Variants in RAB40C observed in about 807,000 individuals in gnomAD.
RAB40C encodes the protein RAB40C, member RAS oncogene family.
Under a neutral mutation model 28.1 loss-of-function variants are expected in RAB40C, and 8 were observed. The ratio of observed to expected loss-of-function variants is 0.28; its 90% confidence interval spans 0.17 to 0.51. The LOEUF (loss-of-function observed/expected upper bound fraction) is 0.51, where lower values mean the gene tolerates loss of function less well. Ranked by LOEUF, RAB40C falls within the 20% of genes least tolerant of loss-of-function variation. The pLI is 0.97. For missense variants in RAB40C, 288 were observed against 405.9 expected (o/e 0.71, Z 2.50); for synonymous variants, 201 against 171.7 (o/e 1.17, Z -1.34).
At chr16:623,485 T>TA (rs1028262156) in intron 3 of RAB40C, among the ~76,000 whole-genome samples, 16 of 149,662 alleles carry the variant, frequency 1.1e-4, no homozygotes, top group East Asian at 2.0e-4. Flanking sequence ...CTGTCTCTAC[T>TA]AAAAAAAAAT....
In RAB40C at chr16:590,516, C is replaced by T. The variant is rs528072095; in HGVS notation, c.142+83C>T. On this transcript the variant is annotated intron_variant, in intron 1 of 5. Transcript: ENST00000248139. ...CACGGAGCTCGCCCTCGGCCCGGCC[C>T]TTCCAAGCGCCGCCGAACGTTCCCA... The T allele has an allele frequency of 5.1e-3, 6,952 of 1,376,470 alleles. 32 individuals are homozygous for T. The highest frequency in any genetic ancestry group is 6.2e-3 in the Non-Finnish European group (6,599 of 1,063,182). The allele number at this position is 1,376,470 out of a possible 1,614,324, so 85.3% of individuals were successfully genotyped here.
intron 3 of RAB40C, among the ~76,000 whole-genome samples, chr16:621,574 C>T (rs1241727404): frequency 6.6e-6 from 1 of 152,260 alleles, no homozygotes; most frequent in East Asian, 1.9e-4. Flanking sequence ...GCCGGGCTCC[C>T]TAGACTTCAT....
intron 1 of RAB40C, among the ~76,000 whole-genome samples, chr16:596,921 G>A (rs1049608226): frequency 1.3e-5 from 2 of 152,186 alleles, no homozygotes; most frequent in Non-Finnish European, 2.9e-5. Context: ...CAGGCAGTGC[G>A]CGGCTGTCTC....
intron 3 of RAB40C, among the ~76,000 whole-genome samples, chr16:620,323 G>A (rs1211991617): frequency 6.6e-6 from 1 of 152,172 alleles, no homozygotes; most frequent in Non-Finnish European, 1.5e-5. Context: ...AACCCAGGAG[G>A]TGGAGGTTGC....
intron 1 of RAB40C, among the ~76,000 whole-genome samples, chr16:604,067 T>TC (rs1466584036): frequency 6.6e-6 from 1 of 151,116 alleles, no homozygotes; most frequent in Non-Finnish European, 1.5e-5. Flanking sequence ...TTTTCTTTTT[T>TC]TTTTTTTTGA....
At chr16:591,040 G>T (rs1193939322) in intron 1 of RAB40C, among the ~76,000 whole-genome samples, 1 of 151,216 alleles carries the variant, frequency 6.6e-6, no homozygotes, top group Non-Finnish European at 1.5e-5. Context: ...TCTGGGGTCC[G>T]AGGAAAGGTG....
intron 1 of RAB40C, among the ~76,000 whole-genome samples, chr16:590,841 T>TA (rs2035979401): frequency 1.4e-5 from 2 of 140,470 alleles, no homozygotes; most frequent in Admixed American, 7.0e-5. Context: ...GAAGGTGTCA[T>TA]GGGCTCGGGG....
At chr16:625,700 G>A in intron 4 of RAB40C, 191 bp downstream of exon 4, 1 of 833,272 alleles carries the variant, frequency 1.2e-6, no homozygotes, top group Non-Finnish European at 1.9e-6. Context: ...AGCCCAGCAA[G>A]ACCAGGAGCT....
At chr16:604,925 G>C (rs2036328679) in intron 1 of RAB40C, among the ~76,000 whole-genome samples, 1 of 152,198 alleles carries the variant, frequency 6.6e-6, no homozygotes. Context: ...CTGGTGTGGT[G>C]GTGGTGCTTG....
intron 3 of RAB40C, among the ~76,000 whole-genome samples, chr16:619,856 C>T (rs1252476122): frequency 2.6e-5 from 4 of 152,184 alleles, no homozygotes; most frequent in African/African-American, 9.7e-5. Flanking sequence ...GAAGTGTAGT[C>T]GGTGTTGGAT....
intron 3 of RAB40C, among the ~76,000 whole-genome samples, chr16:621,286 G>A (rs1199799176): frequency 6.6e-6 from 1 of 152,250 alleles, no homozygotes; most frequent in Non-Finnish European, 1.5e-5. Flanking sequence ...CAGCGGTGAG[G>A]TGCGGGTGCA....
intron 3 of RAB40C, among the ~76,000 whole-genome samples, chr16:621,980 T>C (rs1185640027): frequency 6.6e-6 from 1 of 152,164 alleles, no homozygotes; most frequent in Non-Finnish European, 1.5e-5. Flanking sequence ...CAGTTGCTCC[T>C]GGGCAGAGCC....
In RAB40C at chr16:627,565, C is replaced by T; in HGVS notation, c.789C>T (p.Ile263=). Residue 263 remains isoleucine, a synonymous_variant, in exon 6 of 6, where the codon ATC becomes ATT. Coordinates refer to ENST00000248139, the MANE Select transcript of RAB40C (RefSeq NM_021168.5). ...ACAGCCTCAAGAGGTCCAAGTCCAT[C>T]CGTCCACCCCAGAGCCCCCCCCAGA... ...KGNSLKRSKS[I]RPPQSPPQNC... is the part of the protein sequence containing the mutation. The T allele has an allele frequency of 6.2e-7, 1 of 1,612,282 alleles. No individual in the cohort carries two copies. The highest frequency in any genetic ancestry group is 8.5e-7 in the Non-Finnish European group (1 of 1,179,010).
At chr16:595,392 G>C (rs894765912) in intron 1 of RAB40C, among the ~76,000 whole-genome samples, 5 of 152,182 alleles carry the variant, frequency 3.3e-5, no homozygotes, top group Non-Finnish European at 7.3e-5. Context: ...GTGAAGCAGC[G>C]GGCTTCATGG....
intron 3 of RAB40C, chr16:625,200 G>C: frequency 7.0e-7 from 1 of 1,422,186 alleles, no homozygotes; most frequent in Non-Finnish European, 9.3e-7. Flanking sequence ...CGGCATTTCT[G>C]ACACCATGGA....
chr16:608,125 C>T (rs1390680007), intron 1 of RAB40C, among the ~76,000 whole-genome samples: 1 of 152,206 alleles, frequency 6.6e-6, no homozygotes. Flanking sequence ...AATTGACTCA[C>T]AGTTCCGCAT....
chr16:605,615 C>T lies in RAB40C; in HGVS notation c.143-11593C>T, dbSNP rs542740270. On this transcript the variant is annotated intron_variant, in intron 1 of 5. Coordinates refer to ENST00000248139, the MANE Select transcript of RAB40C (RefSeq NM_021168.5). ...ATGTCTTCTGGGTGAGCTTCGGCCA[C>T]GTGGTTGAGTGCAGTTGCTCCCTCC... Among the ~76,000 whole-genome samples, 366 of 152,320 alleles carry T rather than the reference C, an allele frequency of 2.4e-3. 2 individuals carry two copies. The highest frequency in any genetic ancestry group is 8.1e-3 in the African/African-American group (338 of 41,550).
intron 3 of RAB40C, among the ~76,000 whole-genome samples, chr16:619,492 G>A (rs934972286): frequency 2.6e-5 from 4 of 152,360 alleles, no homozygotes; most frequent in South Asian, 2.1e-4. Context: ...ATGTGAGGCC[G>A]GAAGGAGGGC....
chr16:617,283 C>T lies in RAB40C; in HGVS notation c.203+15C>T, dbSNP rs1366451615. On this transcript the variant is annotated intron_variant, in intron 2 of 5. Transcript: ENST00000248139. ...CTGGAGCTCTGGTGAGTTGGGGCTG[C>T]GGCACTTCAGTTCCTGGGTGAGGAC... 8.1e-6 allele frequency: 13 copies of T among 1,613,810 alleles called. No individual in the cohort carries two copies. Among genetic ancestry groups the T allele is most frequent in the East Asian group, 2.2e-5 (1 of 44,884 alleles).
Sources: allele counts gnomAD v4.1 joint callset (sites outside exome capture counted in the v4.1 genomes callset), GRCh38; gene constraint gnomAD v4.1.1; transcripts MANE v1.5; gene names NCBI Gene and HGNC (gene_info 2026-07-23, HGNC 2026-07-21).